The following GKAP1 variants were observed in gnomAD, a reference collection of about 807,000 sequenced individuals.
The protein encoded by GKAP1 is G kinase-anchoring protein 1.
In GKAP1, 31 loss-of-function variants were observed where a neutral mutation model predicts 56.7. The ratio of observed to expected loss-of-function variants is 0.55; its 90% CI spans 0.41 to 0.74. The LOEUF (loss-of-function observed/expected upper bound fraction) is 0.74, where lower values mean the gene tolerates loss of function less well. GKAP1 is among the 30% of genes least tolerant of loss of function. The probability of loss-of-function intolerance (pLI) is 0.00; values close to 1 mark genes in which losing one functional copy is unlikely to be tolerated. For synonymous variants in GKAP1, 151 were observed against 138.6 expected, an observed-to-expected ratio of 1.09 and a Z score of -0.63; for missense variants, 364 against 402.3, an observed-to-expected ratio of 0.90 and a Z score of 0.82.
chr9:83,759,427 A>AT (rs1012744838), intron 8 of GKAP1, among the ~76,000 whole-genome samples: 24 of 148,640 alleles, frequency 1.6e-4, no homozygotes, highest in South Asian at 4.3e-4. Context: ...CACCTGGATA[A>AT]TTTTTTTTTT....
intron 3 of GKAP1, among the ~76,000 whole-genome samples, chr9:83,805,463 T>TAA (rs999692280): frequency 1.9e-5 from 2 of 106,352 alleles, no homozygotes; most frequent in Admixed American, 1.7e-4. Flanking sequence ...GAATGATCAA[T>TAA]AAAAAAAATA....
chr9:83,804,845 T>C (rs1204360270), intron 3 of GKAP1, among the ~76,000 whole-genome samples: 1 of 72,720 alleles, frequency 1.4e-5, no homozygotes, highest in Admixed American at 1.3e-4. Context: ...GGGAGGGAGG[T>C]GGGGGGTCAG....
chr9:83,804,097 C>CCGCCCCGTCCGGG, intron 3 of GKAP1, among the ~76,000 whole-genome samples: 1 of 147,398 alleles, frequency 6.8e-6, no homozygotes, highest in East Asian at 2.1e-4. Context: ...CTCCGCCCGG[C>CCGCCCCGTCCGGG]AGCCGCCCCG....
At chr9:83,742,392 C>A in intron 11 of GKAP1, 138 bp downstream of exon 11, 1 of 612,430 alleles carries the variant, frequency 1.6e-6, no homozygotes, top group South Asian at 2.3e-5. Context: ...AATCTTCATT[C>A]ATGGGCTATT....
chr9:83,740,300 T>C (rs1031803468), intron 12 of GKAP1, among the ~76,000 whole-genome samples: 2 of 152,160 alleles, frequency 1.3e-5, no homozygotes, highest in East Asian at 1.9e-4. Flanking sequence ...TTTGTGGTAT[T>C]TGACTTGAGC....
intron 5 of GKAP1, among the ~76,000 whole-genome samples, chr9:83,786,823 G>A (rs950524680): frequency 3.3e-5 from 5 of 152,118 alleles, no homozygotes; most frequent in Non-Finnish European, 7.4e-5. Flanking sequence ...CTGGGAGTAC[G>A]ACATTTTATC....
intron 7 of GKAP1, among the ~76,000 whole-genome samples, chr9:83,778,564 G>A (rs1026850953): frequency 4.6e-5 from 7 of 151,994 alleles, no homozygotes; most frequent in Admixed American, 4.6e-4. Context: ...GTGGGAGGAG[G>A]GAGAGGATCA....
chr9:83,772,951 G>A (rs1014039924), intron 7 of GKAP1, among the ~76,000 whole-genome samples: 1 of 152,176 alleles, frequency 6.6e-6, no homozygotes, highest in African/African-American at 2.4e-5. Context: ...AGGATGCGTA[G>A]GAGCTAGAAC....
chr9:83,810,309 A>T (rs1412571467), intron 2 of GKAP1, among the ~76,000 whole-genome samples: 2 of 152,218 alleles, frequency 1.3e-5, no homozygotes, highest in Non-Finnish European at 2.9e-5. Context: ...AAAAGTCTAG[A>T]TCAGGAACTG....
intron 3 of GKAP1, among the ~76,000 whole-genome samples, chr9:83,802,848 A>G (rs1263049044): frequency 1.3e-5 from 2 of 151,766 alleles, no homozygotes; most frequent in African/African-American, 2.4e-5. Context: ...AAAAAATAAA[A>G]GAGGCCAGCA....
In GKAP1 at chr9:83,806,405, T is replaced by A; in HGVS notation, c.113A>T (p.Asn38Ile). Residue 38 changes from asparagine to isoleucine, a missense_variant, in exon 3 of 13, where the codon AAT becomes ATT. Transcript: ENST00000376371. The part of the protein sequence containing the change: ...DSEPGKGKGR[N>I]TGKSQTLGSK... ...TCCTAAAGTTTGAGACTTTCCAGTA[T>A]TTCGACCTTTACCTTTTCCAGGTTC... The A allele has an allele frequency of 6.2e-7, 1 of 1,608,610 alleles. No homozygotes were observed. Among genetic ancestry groups the A allele is most frequent in the South Asian group, 1.1e-5 (1 of 90,118 alleles).
At chr9:83,743,266 G>A (rs1587685037) in intron 10 of GKAP1, among the ~76,000 whole-genome samples, 1 of 152,174 alleles carries the variant, frequency 6.6e-6, no homozygotes, top group East Asian at 1.9e-4. Flanking sequence ...TTCACATATG[G>A]AAAAAACTTT....
At chr9:83,800,330 C>T (rs1056080061) in intron 3 of GKAP1, among the ~76,000 whole-genome samples, 5 of 142,152 alleles carry the variant, frequency 3.5e-5, no homozygotes, top group East Asian at 2.1e-4. Flanking sequence ...TGCCTCCTTA[C>T]GTTTTTTTTT....
At chr9:83,775,004 G>A (rs986255850) in intron 7 of GKAP1, among the ~76,000 whole-genome samples, 2 of 120,620 alleles carry the variant, frequency 1.7e-5, no homozygotes, top group Non-Finnish European at 3.6e-5. Context: ...ACCGCGCCCG[G>A]CCCCTTCTTT....
intron 3 of GKAP1, among the ~76,000 whole-genome samples, chr9:83,803,518 G>T (rs1944369586): frequency 6.6e-6 from 1 of 152,224 alleles, no homozygotes; most frequent in African/African-American, 2.4e-5. Flanking sequence ...GCCTCCCGAG[G>T]TGCCGGGATT....
intron 9 of GKAP1, among the ~76,000 whole-genome samples, chr9:83,751,404 A>C (rs1943386806): frequency 6.6e-6 from 1 of 152,118 alleles, no homozygotes; most frequent in South Asian, 2.1e-4. Flanking sequence ...TACTGCAACT[A>C]TTTACATGTT....
chr9:83,814,602 C>CT (rs1944556954), intron 2 of GKAP1, among the ~76,000 whole-genome samples: 1 of 152,180 alleles, frequency 6.6e-6, no homozygotes, highest in South Asian at 2.1e-4. Context: ...TTACAAATAC[C>CT]ACAGGATCTG....
In GKAP1 at chr9:83,770,923, A is replaced by G. The variant is rs1271594712; in HGVS notation, c.586-1953T>C. On this transcript the variant is annotated intron_variant, in intron 7 of 12. Coordinates refer to ENST00000376371, the MANE Select transcript of GKAP1 (RefSeq NM_025211.4). ...CATGCCAATAGAAGATTTTTAAAAG[A>G]TAAGATTTTTATCACTGTCTATCCA... Among the ~76,000 whole-genome samples the G allele has an allele frequency of 2.0e-5, 3 of 152,190 alleles. No individual in the cohort carries two copies. The East Asian group carries it at 5.8e-4, about 29-fold the overall frequency.
chr9:83,760,465 A>G (rs1385568991), intron 8 of GKAP1, among the ~76,000 whole-genome samples: 1 of 152,078 alleles, frequency 6.6e-6, no homozygotes, highest in Non-Finnish European at 1.5e-5. Context: ...ATCTTCTAGT[A>G]AGAAAATCAA....
Sources: allele counts gnomAD v4.1 joint callset (sites outside exome capture counted in the v4.1 genomes callset), GRCh38; gene constraint gnomAD v4.1.1; transcripts MANE v1.5; gene names NCBI Gene and HGNC (gene_info 2026-07-23, HGNC 2026-07-21).